Variants in NRCAM observed in about 807,000 individuals in gnomAD.
NRCAM encodes neuronal cell adhesion molecule.
NRCAM carries 83 observed loss-of-function variants against 156.5 expected under a neutral mutation model. The observed-to-expected ratio is 0.53, with a 90% CI of 0.44 to 0.64. The LOEUF is 0.64. Ranked by LOEUF, NRCAM falls within the 30% of genes least tolerant of loss-of-function variation. The pLI, the probability that NRCAM is intolerant of heterozygous loss-of-function variation, is 0.00. For missense variants in NRCAM, 1,417 were observed against 1,597.3 expected (o/e 0.89, Z 1.92); for synonymous variants, 538 against 563.9 (o/e 0.95, Z 0.65).
intron 2 of NRCAM, among the ~76,000 whole-genome samples, chr7:108,385,495 G>C (rs879327826): frequency 3.9e-5 from 6 of 152,226 alleles, no homozygotes; most frequent in Non-Finnish European, 8.8e-5. Context: ...AGGTAGCTTA[G>C]AAGAAAGGCA....
chr7:108,415,644 G>A, intron 1 of NRCAM, among the ~76,000 whole-genome samples: 1 of 152,230 alleles, frequency 6.6e-6, no homozygotes, highest in Admixed American at 6.5e-5. Context: ...ACTTTGGGAG[G>A]CCAAGGTGGG....
intron 1 of NRCAM, among the ~76,000 whole-genome samples, chr7:108,420,820 A>G (rs1375791809): frequency 1.3e-5 from 2 of 152,216 alleles, no homozygotes; most frequent in African/African-American, 4.8e-5. Context: ...CCATTGCATG[A>G]CACTGTCTTG....
intron 1 of NRCAM, among the ~76,000 whole-genome samples, chr7:108,416,149 C>T (rs1801283585): frequency 6.6e-6 from 1 of 152,204 alleles, no homozygotes; most frequent in East Asian, 1.9e-4. Flanking sequence ...TCCAGATCAG[C>T]ATGACTAAGA....
At chr7:108,165,547 C>T (rs2053490146) in intron 30 of NRCAM, among the ~76,000 whole-genome samples, 1 of 152,094 alleles carries the variant, frequency 6.6e-6, no homozygotes, top group Non-Finnish European at 1.5e-5. Flanking sequence ...AAACAAAAAC[C>T]TTGTAAACTA....
At chr7:108,349,674 T>C (rs1353684903) in intron 2 of NRCAM, among the ~76,000 whole-genome samples, 1 of 152,092 alleles carries the variant, frequency 6.6e-6, no homozygotes, top group Non-Finnish European at 1.5e-5. Flanking sequence ...AAGAACATTA[T>C]TAATGGTTTG....
At chr7:108,254,986 G>C (rs2153947043) in intron 3 of NRCAM, among the ~76,000 whole-genome samples, 1 of 152,264 alleles carries the variant, frequency 6.6e-6, no homozygotes, top group Non-Finnish European at 1.5e-5. Context: ...TTATAATAAT[G>C]AAAAATTGTA....
chr7:108,159,660 T>A, intron 31 of NRCAM, 119 bp from the exon 32 acceptor site: 1 of 728,564 alleles, frequency 1.4e-6, no homozygotes, highest in Non-Finnish European at 2.4e-6. Context: ...CAAGTAGATG[T>A]TGTATAACCA....
chr7:108,345,393 G>A (rs939839315), intron 2 of NRCAM, among the ~76,000 whole-genome samples: 3 of 152,060 alleles, frequency 2.0e-5, no homozygotes, highest in African/African-American at 7.2e-5. Flanking sequence ...ATATTAAAGC[G>A]GTTCAAAAAT....
chr7:108,310,600 T>C (rs2098790141), intron 3 of NRCAM, among the ~76,000 whole-genome samples: 1 of 152,116 alleles, frequency 6.6e-6, no homozygotes, highest in Non-Finnish European at 1.5e-5. Context: ...AAACTCTAAG[T>C]AGCTACGAAA....
In NRCAM at chr7:108,201,749, A is replaced by G. The variant is rs528897660; in HGVS notation, c.1208-3650T>C. ...TTTCTTTGCTATCAACTCTTTGGGA[A>G]GGTATTTTTTTACCTGAAAGGCATC... On this transcript the variant is annotated intron_variant, in intron 13 of 32. Coordinates refer to ENST00000379028, the MANE Select transcript of NRCAM (RefSeq NM_001037132.4). 2.0e-3 allele frequency among the ~76,000 whole-genome samples: 305 copies of G among 152,262 alleles called. 1 individual carries two copies. The highest frequency in any genetic ancestry group is 7.1e-3 in the African/African-American group (293 of 41,498).
chr7:108,281,035 T>C (rs1046730503), intron 3 of NRCAM, among the ~76,000 whole-genome samples: 16 of 152,318 alleles, frequency 1.1e-4, no homozygotes, highest in African/African-American at 3.1e-4. Context: ...GTCTGCTCTT[T>C]GGTATAACAC....
chr7:108,166,336 C>T (rs1459480798), intron 30 of NRCAM, among the ~76,000 whole-genome samples: 3 of 151,402 alleles, frequency 2.0e-5, no homozygotes, highest in South Asian at 4.2e-4. Flanking sequence ...CAACCTCTGC[C>T]TCCCGGGTTC....
At chr7:108,318,914 A>G (rs1282475316) in intron 2 of NRCAM, among the ~76,000 whole-genome samples, 5 of 152,204 alleles carry the variant, frequency 3.3e-5, no homozygotes, top group Non-Finnish European at 7.3e-5. Flanking sequence ...TATATATTTT[A>G]CAAATCAGAC....
rs1036989992 is a variant in NRCAM at position 108,210,017 on chromosome 7, G to C, written c.891-412C>G. On this transcript the variant is annotated intron_variant, in intron 11 of 32. Transcript: ENST00000379028. ...CATCAGCTGGGATTAAACATGTACAGAGAAAAACTCATAAACATATCTATG... is the reference window on the plus strand; with the variant it reads ...CATCAGCTGGGATTAAACATGTACACAGAAAAACTCATAAACATATCTATG... 2.0e-5 allele frequency among the ~76,000 whole-genome samples: 3 copies of C among 152,230 alleles called. No homozygotes were observed. The East Asian group carries it at 5.8e-4, about 29-fold the overall frequency.
chr7:108,285,323 T>A (rs1224591883), intron 3 of NRCAM, among the ~76,000 whole-genome samples: 1 of 152,268 alleles, frequency 6.6e-6, no homozygotes, highest in East Asian at 1.9e-4. Context: ...GCTGTTTGTA[T>A]TTAATTGAAG....
chr7:108,436,027 G>T (rs60398019), intron 1 of NRCAM, among the ~76,000 whole-genome samples: 1 of 152,104 alleles, frequency 6.6e-6, no homozygotes, highest in Non-Finnish European at 1.5e-5. Flanking sequence ...CCAGCTACTC[G>T]GGAGGCTGAG....
At chr7:108,293,068 C>CA (rs1254897901) in intron 3 of NRCAM, among the ~76,000 whole-genome samples, 1 of 152,072 alleles carries the variant, frequency 6.6e-6, no homozygotes, top group Non-Finnish European at 1.5e-5. Context: ...TAACAGAGGT[C>CA]AACCCAGAAA....
At chr7:108,200,091 C>G (rs2077170334) in intron 13 of NRCAM, among the ~76,000 whole-genome samples, 1 of 152,132 alleles carries the variant, frequency 6.6e-6, no homozygotes, top group South Asian at 2.1e-4. Context: ...ACTCTGATTA[C>G]CATCAGTAAC....
chr7:108,342,526 A>ACACCTGAAG (rs1243455622), intron 2 of NRCAM, among the ~76,000 whole-genome samples: 1 of 152,250 alleles, frequency 6.6e-6, no homozygotes. Context: ...AGTAAGATGG[A>ACACCTGAAG]CACCTGAAGC....
Sources: gnomAD v4.1 joint callset for allele counts (sites outside exome capture counted in the v4.1 genomes callset) on GRCh38, gnomAD v4.1.1 for gene constraint, MANE v1.5 for transcripts, NCBI Gene and HGNC (gene_info 2026-07-23, HGNC 2026-07-21) for gene names.